Variants in DLGAP3 observed in about 807,000 individuals in gnomAD.
The protein encoded by DLGAP3 is DLG associated protein 3.
In DLGAP3, 17 loss-of-function variants were observed where a neutral mutation model predicts 81.2. That is an observed-to-expected ratio of 0.21 (90% confidence interval 0.14 to 0.31). DLGAP3 has a LOEUF of 0.31. DLGAP3 is among the 10% of genes least tolerant of loss of function. DLGAP3 has a pLI of 1.00. For synonymous variants in DLGAP3, 577 were observed against 587.4 expected (o/e 0.98, Z 0.26); for missense variants, 1,124 against 1,388.0 (o/e 0.81, Z 3.02).
chr1:34,906,016 T>TTTTATATATATATATATATATATATATA lies in DLGAP3; in HGVS notation c.-51-583_-51-582insTATATATATATATATATATATATATAAA, dbSNP rs60469155. On this transcript the variant is annotated intron_variant, in intron 2 of 11. Coordinates refer to ENST00000373347, the MANE Select transcript of DLGAP3 (RefSeq NM_001080418.3). The stretch of plus-strand genomic sequence containing the variant: ...ACAGAGCGAGACCTGGCCTCTAAAT[T>TTTTATATATATATATATATATATATATA]TATATATATATATATATTTGTTTGT... Among the ~76,000 whole-genome samples the TTTTATATATATATATATATATATATATA allele has an allele frequency of 2.0e-3, 130 of 64,730 alleles. 3 individuals carry two copies. The highest frequency in any genetic ancestry group is 1.9e-3 in the African/African-American group (42 of 21,588). 42.5% of individuals were successfully genotyped at this position (64,730 alleles called of 152,430 possible).
intron 8 of DLGAP3, among the ~76,000 whole-genome samples, chr1:34,879,596 T>C (rs994395739): frequency 6.6e-6 from 1 of 152,062 alleles, no homozygotes; most frequent in African/African-American, 2.4e-5. Flanking sequence ...GCAATAAATA[T>C]AATAGGTACA....
intron 1 of DLGAP3, among the ~76,000 whole-genome samples, chr1:34,919,286 G>A (rs975592609): frequency 6.6e-6 from 1 of 152,228 alleles, no homozygotes; most frequent in African/African-American, 2.4e-5. Context: ...CCCTCCACCA[G>A]AGGTCCCTGG....
chr1:34,919,900 T>C (rs2148420095), intron 1 of DLGAP3, among the ~76,000 whole-genome samples: 1 of 152,332 alleles, frequency 6.6e-6, no homozygotes. Flanking sequence ...CCCATATACC[T>C]GAATTCACAT....
At chr1:34,924,717 A>G (rs1047436314) in intron 1 of DLGAP3, among the ~76,000 whole-genome samples, 1 of 152,174 alleles carries the variant, frequency 6.6e-6, no homozygotes, top group Non-Finnish European at 1.5e-5. Context: ...TCATTCTCCA[A>G]CTCTACCCCG....
chr1:34,928,087 G>A lies in DLGAP3; in HGVS notation c.-135+1364C>T, dbSNP rs1229616389. On this transcript the variant is annotated intron_variant, in intron 1 of 11. Coordinates refer to ENST00000373347, the MANE Select transcript of DLGAP3 (RefSeq NM_001080418.3). ...CTGCCTGCTTCCCAAGGCTGTTGGG[G>A]AAATAAGAAGAGTTCAGAGGGCAGC... 2.6e-5 allele frequency among the ~76,000 whole-genome samples: 4 copies of A among 152,290 alleles called. No homozygotes were observed. In the East Asian group the frequency reaches 7.7e-4, roughly 29 times the overall value.
At chr1:34,875,993 C>A (rs576816869) in intron 8 of DLGAP3, among the ~76,000 whole-genome samples, 1 of 152,260 alleles carries the variant, frequency 6.6e-6, no homozygotes. Context: ...GCCGGCACAG[C>A]GGCTACATCA....
intron 8 of DLGAP3, 32 bp from the exon 9 acceptor site, chr1:34,869,121 G>T: frequency 6.6e-7 from 1 of 1,521,284 alleles, no homozygotes; most frequent in Non-Finnish European, 8.9e-7. Context: ...ATCCCCCATT[G>T]CCCAGGCTCA....
At position 34,866,906 on chromosome 1, in the gene DLGAP3, G is replaced by A. The variant is rs1352134285; in HGVS notation, c.2721+142C>T. On this transcript the variant is annotated intron_variant, in intron 11 of 11. Transcript: ENST00000373347. ...GAGCGTGGTCACTCTGGAAGGGGAT[G>A]GTCACCTATCACCTGTCCAAGGCTG... 3.2e-6 allele frequency: 3 copies of A among 947,418 alleles called. No individual in the cohort carries two copies. In the African/African-American group the frequency reaches 4.8e-5, roughly 15 times the overall value. The allele number at this position is 947,418 out of a possible 1,614,324, so 58.7% of individuals were successfully genotyped here.
chr1:34,905,531 T>C (rs2148413068), intron 2 of DLGAP3, 97 bp from the exon 3 acceptor site: 1 of 825,272 alleles, frequency 1.2e-6, no homozygotes, highest in Non-Finnish European at 1.8e-6. Flanking sequence ...AGGTAATACA[T>C]ATCAATTTAT....
At chr1:34,882,338 C>T (rs12069416) in intron 8 of DLGAP3, among the ~76,000 whole-genome samples, 11 of 151,896 alleles carry the variant, frequency 7.2e-5, no homozygotes, top group Admixed American at 6.6e-4. Flanking sequence ...ACTAGCCAGG[C>T]GTGGTGGCGG....
At position 34,904,928 on chromosome 1, in the gene DLGAP3, T is replaced by C; in HGVS notation, c.456A>G (p.Pro152=). 2 of 1,612,450 alleles carry C rather than the reference T, an allele frequency of 1.2e-6. No homozygotes were observed. The highest frequency in any genetic ancestry group is 1.1e-5 in the South Asian group (1 of 91,080). ...QRGPAGAGPG[P]APGTGTAPEP... ...CTGGGGCAGTGCCCGTCCCTGGCGC[T>C]GGCCCGGGCCCTGCCCCTGCTGGCC... Residue 152 remains proline (P), a synonymous_variant, in exon 3 of 12, where the codon CCA becomes CCG. Transcript: ENST00000373347. This position sits in a 1 kb window ranked among gnomAD's most constrained non-coding sequence, Gnocchi z 8.1.
At chr1:34,891,523 G>T (rs1015094301) in intron 5 of DLGAP3, among the ~76,000 whole-genome samples, 1 of 152,218 alleles carries the variant, frequency 6.6e-6, no homozygotes, top group Admixed American at 6.5e-5. Flanking sequence ...TCGAAGCTGG[G>T]TGAATGCACA....
In DLGAP3 at chr1:34,886,262, C is replaced by G. The variant is rs746873015; in HGVS notation, c.1410G>C (p.Gln470His). The change falls in exon 6 of 12, where the codon CAG (glutamine) becomes CAC (histidine). Residue 470 changes from glutamine (Q) to histidine (H), a missense_variant. Transcript: ENST00000373347. ...ACACCGACCCGCACACGGCCTCCAG[C>G]TGCTGGTTCAACTCATCGCTGAGCT... ...TGQLSDELNQ[Q>H]LEAVCGSVFG... is the part of the protein sequence containing the mutation. The G allele has an allele frequency of 6.2e-7, 1 of 1,603,440 alleles. No individual in the cohort carries two copies. The highest frequency in any genetic ancestry group is 1.3e-5 in the African/African-American group (1 of 74,844).
At chr1:34,896,584 A>G (rs7524662) in intron 5 of DLGAP3, among the ~76,000 whole-genome samples, 96,500 of 149,760 alleles carry the variant, frequency 0.64, 31,743 homozygotes, top group East Asian at 0.94. Flanking sequence ...GCCAGACTCC[A>G]TCACACACAC....
chr1:34,886,420 A>G (rs1201633971), intron 5 of DLGAP3, 135 bp from the exon 6 acceptor site: 4 of 866,912 alleles, frequency 4.6e-6, no homozygotes, highest in Non-Finnish European at 6.8e-6. Context: ...TTGAACTAAA[A>G]GAAACTCTAA....
chr1:34,924,603 G>C (rs1639841716), intron 1 of DLGAP3, among the ~76,000 whole-genome samples: 1 of 152,172 alleles, frequency 6.6e-6, no homozygotes, highest in Non-Finnish European at 1.5e-5. Flanking sequence ...ACCACCTTGA[G>C]CCTGAAATTC....
In DLGAP3 at chr1:34,900,095, G is replaced by A. The variant is rs1419090870; in HGVS notation, c.1286C>T (p.Ser429Phe). 2 of 1,613,736 alleles carry A rather than the reference G, an allele frequency of 1.2e-6. No homozygotes were observed. Among genetic ancestry groups the A allele is most frequent in the African/African-American group, 1.3e-5 (1 of 75,056 alleles). ...GATCCTGGCCTGGTCCACGCTGGAG[G>A]AGCGACGGGTGGTGAAGCGTCGGGC... ...AVARRFTTRRSSSVDQARINC... is the reference protein window; with the variant it reads ...AVARRFTTRRFSSVDQARINC... Residue 429 changes from serine to phenylalanine, a missense_variant, in exon 4 of 12, where the codon TCC becomes TTC. Transcript: ENST00000373347. This position sits in a 1 kb window ranked among gnomAD's most constrained non-coding sequence, Gnocchi z 5.6.
chr1:34,899,644 C>T (rs1639424644), intron 5 of DLGAP3, 25 bp downstream of exon 5: 4 of 1,590,462 alleles, frequency 2.5e-6, no homozygotes, highest in Non-Finnish European at 3.5e-6. Flanking sequence ...ACTCTTTCCT[C>T]CAGGCATACT....
intron 1 of DLGAP3, among the ~76,000 whole-genome samples, chr1:34,916,007 T>G (rs1639711405): frequency 6.6e-6 from 1 of 152,100 alleles, no homozygotes; most frequent in Admixed American, 6.6e-5. Flanking sequence ...AAAGAGTTGT[T>G]TGTAAGCTGT....
Sources: gnomAD v4.1 joint callset for allele counts (sites outside exome capture counted in the v4.1 genomes callset) on GRCh38, gnomAD v4.1.1 for gene constraint, Gnocchi (gnomAD v3.1) non-coding constraint, MANE v1.5 for transcripts, NCBI Gene and HGNC (gene_info 2026-07-23, HGNC 2026-07-21) for gene names.